TEAD1: variants seen among roughly 807,000 people sequenced by gnomAD.
TEAD1 encodes TEA domain transcription factor 1, also known as transcriptional enhancer factor TEF-1.
A neutral mutation model predicts 54.9 loss-of-function variants in TEAD1; 9 were observed. That is an observed-to-expected ratio of 0.16 (90% CI 0.10 to 0.29). The LOEUF (loss-of-function observed/expected upper bound fraction) is 0.29, where lower values mean the gene tolerates loss of function less well. TEAD1 is among the 10% of genes least tolerant of loss of function. The pLI is 1.00. For synonymous variants in TEAD1, 200 were observed against 187.8 expected (o/e 1.07, Z -0.53); for missense variants, 387 against 535.9 (o/e 0.72, Z 2.74).
intron 10 of TEAD1, among the ~76,000 whole-genome samples, 156 bp from the exon 11 acceptor site, chr11:12,924,756 A>G (rs1948878837): frequency 6.6e-6 from 1 of 152,196 alleles, no homozygotes; most frequent in East Asian, 1.9e-4. Flanking sequence ...TTAAAAAACG[A>G]CAGATGGGTA....
At chr11:12,747,130 G>C (rs2133900691) in intron 2 of TEAD1, among the ~76,000 whole-genome samples, 1 of 152,200 alleles carries the variant, frequency 6.6e-6, no homozygotes, top group South Asian at 2.1e-4. Context: ...AGACAAGGAT[G>C]AATTTCTTAA....
At chr11:12,719,949 GTTTTTTTTTTTTT>G (rs1200965763) in intron 2 of TEAD1, among the ~76,000 whole-genome samples, 5 of 40,010 alleles carry the variant, frequency 1.2e-4, no homozygotes, top group Non-Finnish European at 2.6e-4. Flanking sequence ...GAAATCTAAT[GTTTTTTTTTTTTT>G]TTTTTTTTTT....
intron 3 of TEAD1, among the ~76,000 whole-genome samples, chr11:12,856,947 G>T (rs1450435765): frequency 6.6e-6 from 1 of 152,114 alleles, no homozygotes; most frequent in Non-Finnish European, 1.5e-5. Flanking sequence ...GTGTCTCTGG[G>T]CTACAATTTC....
intron 10 of TEAD1, among the ~76,000 whole-genome samples, chr11:12,910,984 T>C (rs2134141498): frequency 6.6e-6 from 1 of 152,284 alleles, no homozygotes; most frequent in East Asian, 1.9e-4. Flanking sequence ...TGACCTCAGG[T>C]GATCCACCCG....
At chr11:12,921,560 G>A (rs950752201) in intron 10 of TEAD1, among the ~76,000 whole-genome samples, 3 of 141,656 alleles carry the variant, frequency 2.1e-5, no homozygotes, top group Non-Finnish European at 4.7e-5. Flanking sequence ...AAAAAAATCT[G>A]GAACGTTTTG....
At chr11:12,695,939 G>A (rs930679053) in intron 2 of TEAD1, among the ~76,000 whole-genome samples, 7 of 152,122 alleles carry the variant, frequency 4.6e-5, no homozygotes, top group Admixed American at 1.3e-4. Context: ...TGAGATTCCT[G>A]CTAAGAACTC....
chr11:12,735,952 A>G (rs1483473259), intron 2 of TEAD1, among the ~76,000 whole-genome samples: 2 of 152,172 alleles, frequency 1.3e-5, no homozygotes, highest in Non-Finnish European at 2.9e-5. Flanking sequence ...CCAGGTACCT[A>G]CCACTTCTGT....
At chr11:12,685,820 G>A (rs1943320474) in intron 2 of TEAD1, among the ~76,000 whole-genome samples, 1 of 152,158 alleles carries the variant, frequency 6.6e-6, no homozygotes, top group Non-Finnish European at 1.5e-5. Context: ...CACCTGGAAG[G>A]CATGGGAGGC....
At chr11:12,881,100 C>T (rs1412682109) in intron 7 of TEAD1, 49 bp downstream of exon 7, 2 of 1,600,190 alleles carry the variant, frequency 1.2e-6, no homozygotes, top group Non-Finnish European at 1.7e-6. Context: ...TGGTCCCAGC[C>T]CACGTGGGGA....
intron 3 of TEAD1, among the ~76,000 whole-genome samples, chr11:12,810,389 A>G (rs1424653427): frequency 6.6e-6 from 1 of 152,090 alleles, no homozygotes; most frequent in East Asian, 1.9e-4. Flanking sequence ...CATTTTCCCC[A>G]TGAGGGTCTA....
chr11:12,819,897 C>T (rs993157316), intron 3 of TEAD1, among the ~76,000 whole-genome samples: 2 of 152,020 alleles, frequency 1.3e-5, no homozygotes, highest in Admixed American at 6.5e-5. Flanking sequence ...GAGCCTTTTT[C>T]TTTTTCCCCG....
intron 2 of TEAD1, among the ~76,000 whole-genome samples, chr11:12,727,333 G>T (rs1450417409): frequency 2.0e-5 from 3 of 152,188 alleles, no homozygotes; most frequent in Admixed American, 1.3e-4. Flanking sequence ...TGACGCAGGA[G>T]AGGCAGCTCC....
chr11:12,679,059 C>T (rs1237671879), intron 2 of TEAD1, among the ~76,000 whole-genome samples: 7 of 152,094 alleles, frequency 4.6e-5, no homozygotes, highest in Non-Finnish European at 1.0e-4. Flanking sequence ...AAAATAGTTT[C>T]CAATAGTCCG....
chr11:12,873,354 G>A (rs1227782942), intron 5 of TEAD1, among the ~76,000 whole-genome samples: 1 of 152,210 alleles, frequency 6.6e-6, no homozygotes, highest in East Asian at 1.9e-4. Context: ...AGAGAGTCAT[G>A]AGGCACACCT....
chr11:12,759,306 A>G (rs1225226611), intron 2 of TEAD1, among the ~76,000 whole-genome samples: 1 of 152,074 alleles, frequency 6.6e-6, no homozygotes, highest in African/African-American at 2.4e-5. Flanking sequence ...TTATAATAAA[A>G]TGTGTATTGG....
At chr11:12,703,462 T>A (rs112826787) in intron 2 of TEAD1, among the ~76,000 whole-genome samples, 2 of 152,334 alleles carry the variant, frequency 1.3e-5, no homozygotes, top group Non-Finnish European at 2.9e-5. Flanking sequence ...TTGTTTTGCC[T>A]GCCCAAGCCT....
chr11:12,943,984 T>G lies in TEAD1; in HGVS notation c.*6762T>G, dbSNP rs1351397035. The G allele has an allele frequency of 2.0e-5, 3 of 152,626 alleles. No individual in the cohort carries two copies. The highest frequency in any genetic ancestry group is 4.4e-5 in the Non-Finnish European group (3 of 68,012). 9.5% of individuals were successfully genotyped at this position (152,626 alleles called of 1,614,324 possible). On this transcript the variant is annotated 3_prime_UTR_variant, in exon 13 of 13. Transcript: ENST00000527636. The stretch of plus-strand genomic sequence containing the variant: ...GTAACATTTAAAAAAGAAACCTGAA[T>G]AGCCTTTAATTCTTTAATAATACAC...
intron 2 of TEAD1, among the ~76,000 whole-genome samples, chr11:12,694,168 TC>T (rs1943526266): frequency 6.6e-6 from 1 of 152,162 alleles, no homozygotes; most frequent in African/African-American, 2.4e-5. Flanking sequence ...GCTTTAGTGT[TC>T]CAGTGAATCC....
chr11:12,805,487 T>C (rs557260475), intron 3 of TEAD1, among the ~76,000 whole-genome samples: 1 of 152,348 alleles, frequency 6.6e-6, no homozygotes, highest in Non-Finnish European at 1.5e-5. Flanking sequence ...AAAGATCATG[T>C]AACATATCCT....
Sources: allele counts gnomAD v4.1 joint callset (sites outside exome capture counted in the v4.1 genomes callset), GRCh38; gene constraint gnomAD v4.1.1; transcripts MANE v1.5; gene names NCBI Gene and HGNC (gene_info 2026-07-23, HGNC 2026-07-21).